Variants in CCDC91 observed in about 807,000 individuals in gnomAD.
CCDC91 encodes coiled-coil domain-containing protein 91.
In CCDC91, 48 loss-of-function variants were observed where a neutral mutation model predicts 63.2. The observed-to-expected ratio is 0.76, with a 90% confidence interval of 0.60 to 0.97. CCDC91 has a LOEUF of 0.97. CCDC91 is among the 50% of genes least tolerant of loss of function. CCDC91 has a pLI of 0.00. For synonymous variants in CCDC91, 167 were observed against 165.8 expected (o/e 1.01, Z -0.06); for missense variants, 500 against 494.6 (o/e 1.01, Z -0.10).
intron 1 of CCDC91, among the ~76,000 whole-genome samples, chr12:28,221,960 C>G (rs1943980903): frequency 6.6e-6 from 1 of 152,142 alleles, no homozygotes; most frequent in Non-Finnish European, 1.5e-5. Flanking sequence ...TTGGCTTCCC[C>G]CACCATACTC....
intron 3 of CCDC91, among the ~76,000 whole-genome samples, chr12:28,289,501 T>C (rs1315143976): frequency 1.3e-5 from 2 of 152,074 alleles, no homozygotes; most frequent in African/African-American, 4.8e-5. Flanking sequence ...TGAGCTTTTT[T>C]CTTAGTTTTG....
At chr12:28,223,727 T>C (rs932804436) in intron 1 of CCDC91, among the ~76,000 whole-genome samples, 6 of 152,256 alleles carry the variant, frequency 3.9e-5, no homozygotes. Context: ...TGTTAACTTA[T>C]ACTATTGTAG....
intron 8 of CCDC91, among the ~76,000 whole-genome samples, chr12:28,393,107 C>T (rs1377176295): frequency 6.6e-6 from 1 of 152,054 alleles, no homozygotes; most frequent in African/African-American, 2.4e-5. Flanking sequence ...TGACAGCGTT[C>T]CTAGTCTGTT....
chr12:28,543,047 C>T (rs2141832010), intron 12 of CCDC91, among the ~76,000 whole-genome samples: 1 of 152,152 alleles, frequency 6.6e-6, no homozygotes, highest in Admixed American at 6.6e-5. Flanking sequence ...CTAAGGAAGT[C>T]TGTTCCATGC....
chr12:28,401,213 A>G (rs962291679), intron 8 of CCDC91, among the ~76,000 whole-genome samples: 1 of 152,190 alleles, frequency 6.6e-6, no homozygotes, highest in Non-Finnish European at 1.5e-5. Flanking sequence ...ATTGACTCAC[A>G]GTTCAGCACG....
intron 1 of CCDC91, among the ~76,000 whole-genome samples, chr12:28,211,625 A>G (rs1943238534): frequency 6.6e-6 from 1 of 152,166 alleles, no homozygotes; most frequent in South Asian, 2.1e-4. Flanking sequence ...AGATTTTGTC[A>G]TTTCTGTAAG....
rs551712074 is a variant in CCDC91, at chr12:28,280,592, A to T, written c.109+21150A>T. On this transcript the variant is annotated intron_variant, in intron 3 of 12. Coordinates refer to ENST00000536442, the MANE Select transcript of CCDC91 (RefSeq NM_018318.5). ...GGATTAGATCTTGGATTAGAAGAAC[A>T]TATAGGTAAATGATTTGTATACCTT... is the stretch of plus-strand genomic sequence containing the variant. 2.0e-5 allele frequency among the ~76,000 whole-genome samples: 3 copies of T among 152,278 alleles called. No homozygotes were observed. In the East Asian group the frequency reaches 5.8e-4, roughly 29 times the overall value.
intron 12 of CCDC91, among the ~76,000 whole-genome samples, chr12:28,542,097 A>G (rs1048535256): frequency 6.6e-6 from 1 of 152,070 alleles, no homozygotes; most frequent in Non-Finnish European, 1.5e-5. Context: ...CAAATTCATT[A>G]AACTTTACAT....
chr12:28,229,587 G>C (rs990093396), intron 1 of CCDC91, among the ~76,000 whole-genome samples: 1 of 152,128 alleles, frequency 6.6e-6, no homozygotes, highest in Non-Finnish European at 1.5e-5. Flanking sequence ...AAATGGGACT[G>C]AACTTTTGCA....
At chr12:28,507,213 C>G (rs755626242) in intron 12 of CCDC91, among the ~76,000 whole-genome samples, 3 of 151,946 alleles carry the variant, frequency 2.0e-5, no homozygotes, top group Non-Finnish European at 4.4e-5. Context: ...TCTGGAGATG[C>G]TAAACAATCT....
chr12:28,238,653 C>T (rs1262700428), intron 1 of CCDC91, among the ~76,000 whole-genome samples: 1 of 152,008 alleles, frequency 6.6e-6, no homozygotes, highest in Admixed American at 6.6e-5. Context: ...ACTGGAAATG[C>T]AATTTATGTC....
At chr12:28,502,201 G>C (rs1308604316) in intron 12 of CCDC91, among the ~76,000 whole-genome samples, 1 of 151,522 alleles carries the variant, frequency 6.6e-6, no homozygotes, top group Admixed American at 6.6e-5. Context: ...TCAGCCCAAA[G>C]TCTCCTTAAG....
chr12:28,384,919 G>A (rs1429692848), intron 7 of CCDC91, among the ~76,000 whole-genome samples: 3 of 151,870 alleles, frequency 2.0e-5, no homozygotes, highest in East Asian at 3.9e-4. Context: ...ATAAACTTAC[G>A]ATTTGTTTGC....
chr12:28,288,926 C>T (rs1949059742), intron 3 of CCDC91, among the ~76,000 whole-genome samples: 1 of 152,038 alleles, frequency 6.6e-6, no homozygotes, highest in African/African-American at 2.4e-5. Context: ...TGTATGTGTC[C>T]AGGAATTTAT....
At chr12:28,369,091 A>T (rs1411966857) in intron 7 of CCDC91, among the ~76,000 whole-genome samples, 1 of 152,154 alleles carries the variant, frequency 6.6e-6, no homozygotes, top group Non-Finnish European at 1.5e-5. Flanking sequence ...AAATACAATT[A>T]TGCCTTCCAA....
intron 6 of CCDC91, among the ~76,000 whole-genome samples, chr12:28,336,960 T>G (rs1401900834): frequency 6.6e-6 from 1 of 152,170 alleles, no homozygotes; most frequent in Non-Finnish European, 1.5e-5. Context: ...TTTCATCTTT[T>G]AGTATATTCA....
intron 6 of CCDC91, among the ~76,000 whole-genome samples, chr12:28,348,396 C>T (rs77166664): frequency 0.061 from 9,272 of 152,212 alleles, 732 homozygotes; most frequent in East Asian, 0.29. Flanking sequence ...CTGCAGTGCC[C>T]GCGTACCCAC....
At chr12:28,381,049 CTA>C (rs952142875) in intron 7 of CCDC91, among the ~76,000 whole-genome samples, 23 of 152,168 alleles carry the variant, frequency 1.5e-4, no homozygotes, top group African/African-American at 5.5e-4. Flanking sequence ...ACACAAAAAA[CTA>C]TTTGTAAAGA....
intron 1 of CCDC91, among the ~76,000 whole-genome samples, chr12:28,235,947 A>G (rs762532581): frequency 2.6e-5 from 4 of 152,098 alleles, no homozygotes; most frequent in African/African-American, 4.8e-5. Context: ...TCAGTGACAC[A>G]ATTTTTCATG....
Sources: gnomAD v4.1 joint callset for allele counts (sites outside exome capture counted in the v4.1 genomes callset) on GRCh38, gnomAD v4.1.1 for gene constraint, MANE v1.5 for transcripts, NCBI Gene and HGNC (gene_info 2026-07-23, HGNC 2026-07-21) for gene names.